Variants in SH3BP5 observed in about 807,000 individuals in gnomAD.
SH3BP5 encodes SH3 domain binding protein 5.
SH3BP5 carries 22 observed loss-of-function variants against 43.3 expected under a neutral mutation model. That is an observed-to-expected ratio of 0.51 (90% CI 0.36 to 0.73). SH3BP5 has a LOEUF of 0.73. SH3BP5 is among the 30% of genes least tolerant of loss of function. The pLI, the probability that SH3BP5 is intolerant of heterozygous loss-of-function variation, is 0.00. For missense variants in SH3BP5, 529 were observed against 586.9 expected (o/e 0.90, Z 1.02); for synonymous variants, 255 against 225.8 (o/e 1.13, Z -1.16).
chr3:15,340,526 G>A (rs1698753082), intron 1 of SH3BP5, among the ~76,000 whole-genome samples: 1 of 152,048 alleles, frequency 6.6e-6, no homozygotes, highest in South Asian at 2.1e-4. Context: ...CAACACTTTG[G>A]GATCACCTGA....
intron 3 of SH3BP5, among the ~76,000 whole-genome samples, chr3:15,289,277 C>G (rs1253693894): frequency 6.6e-6 from 1 of 152,212 alleles, no homozygotes; most frequent in Non-Finnish European, 1.5e-5. Context: ...CCTGTGACTA[C>G]CTGACCAAGT....
intron 3 of SH3BP5, among the ~76,000 whole-genome samples, chr3:15,302,683 G>C (rs966095039): frequency 1.3e-5 from 2 of 152,120 alleles, no homozygotes; most frequent in African/African-American, 2.4e-5. Context: ...TATATTCCTA[G>C]ATTTCTGGGA....
In SH3BP5 at chr3:15,254,770, T is replaced by C. The variant is rs1002458374; in HGVS notation, c.*1316A>G. On this transcript the variant is annotated 3_prime_UTR_variant, in exon 9 of 9. Transcript: ENST00000383791. ...GATTACTGGTGACCACAGCACTCCA[T>C]GCTCTTCCTTATGGAAAAAGGGTTG... The C allele has an allele frequency of 2.6e-5, 4 of 152,236 alleles. No homozygotes were observed. The highest frequency in any genetic ancestry group is 5.9e-5 in the Non-Finnish European group (4 of 68,042). The allele number at this position is 152,236 out of a possible 1,614,324, so 9.4% of individuals were successfully genotyped here.
At chr3:15,284,604 A>G (rs1697215268) in intron 3 of SH3BP5, among the ~76,000 whole-genome samples, 1 of 152,242 alleles carries the variant, frequency 6.6e-6, no homozygotes, top group Admixed American at 6.5e-5. Flanking sequence ...AGCTGGGATC[A>G]ACAAAAGGAG....
intron 3 of SH3BP5, among the ~76,000 whole-genome samples, chr3:15,280,912 C>T (rs933026143): frequency 3.9e-5 from 6 of 152,342 alleles, no homozygotes; most frequent in South Asian, 2.1e-4. Context: ...CTGGGATGCA[C>T]GATGCAGACC....
At chr3:15,331,277 TC>T (rs1698601846) in intron 1 of SH3BP5, among the ~76,000 whole-genome samples, 1 of 152,244 alleles carries the variant, frequency 6.6e-6, no homozygotes, top group Non-Finnish European at 1.5e-5. Flanking sequence ...GGATTTTTTT[TC>T]CACCTGATCT....
intron 3 of SH3BP5, 51 bp downstream of exon 3, chr3:15,304,052 T>A (rs1215021264): frequency 6.7e-7 from 1 of 1,497,474 alleles, no homozygotes; most frequent in African/African-American, 1.4e-5. Flanking sequence ...CCCTTAAAAC[T>A]GAGGGGTAGT....
At chr3:15,264,935 C>T (rs145248150) in intron 4 of SH3BP5, among the ~76,000 whole-genome samples, 76 of 152,158 alleles carry the variant, frequency 5.0e-4, no homozygotes, top group African/African-American at 1.8e-3. Flanking sequence ...GCATTTTCAA[C>T]AGACTTGTAG....
At chr3:15,285,016 T>C (rs1320949928) in intron 3 of SH3BP5, among the ~76,000 whole-genome samples, 1 of 152,170 alleles carries the variant, frequency 6.6e-6, no homozygotes, top group Non-Finnish European at 1.5e-5. Flanking sequence ...ATTTCTAGGA[T>C]CTCGTCACAG....
At chr3:15,325,688 C>T (rs1698442055) in intron 2 of SH3BP5, among the ~76,000 whole-genome samples, 1 of 152,182 alleles carries the variant, frequency 6.6e-6, no homozygotes, top group Admixed American at 6.6e-5. Context: ...CCGAAAATTG[C>T]CCCCATCACG....
chr3:15,270,162 C>G lies in SH3BP5; in HGVS notation c.331-285G>C, dbSNP rs897686908. Reference sequence around the variant, plus strand: ...AACCTGACATGGCAAACCAGCCCATCGTGGGACAGGTACAGCCAACCCCAC... The same window carrying G: ...AACCTGACATGGCAAACCAGCCCATGGTGGGACAGGTACAGCCAACCCCAC... On this transcript the variant is annotated intron_variant, in intron 3 of 8. Transcript: ENST00000383791. Among the ~76,000 whole-genome samples, 8 of 152,326 alleles carry G rather than the reference C, an allele frequency of 5.3e-5. No homozygotes were observed. In the East Asian group the frequency reaches 1.5e-3, roughly 29 times the overall value.
At chr3:15,297,401 C>G (rs575338646) in intron 3 of SH3BP5, among the ~76,000 whole-genome samples, 38 of 152,126 alleles carry the variant, frequency 2.5e-4, no homozygotes, top group African/African-American at 8.9e-4. Context: ...TGGTGGTGAT[C>G]TTTTTTTTAT....
intron 3 of SH3BP5, among the ~76,000 whole-genome samples, chr3:15,292,043 C>T (rs556981815): frequency 1.1e-3 from 172 of 152,232 alleles, no homozygotes; most frequent in Non-Finnish European, 1.5e-3. Context: ...CCTGTGTCGA[C>T]AAAACTCGTA....
intron 1 of SH3BP5, among the ~76,000 whole-genome samples, chr3:15,339,004 C>A (rs1365747933): frequency 6.6e-6 from 1 of 152,088 alleles, no homozygotes; most frequent in African/African-American, 2.4e-5. Context: ...CTCTTCCCAG[C>A]GACCCCTAAG....
rs1345417356 is a variant in SH3BP5 at position 15,262,257 on chromosome 3, G to A, written c.528C>T (p.Ser176=). Reference sequence around the variant, plus strand: ...CTGCCGTCTCCTTATGCACCAGCTCGCTCCTGGTCTTGGTCTGCTCCGCCT... The same window carrying A: ...CTGCCGTCTCCTTATGCACCAGCTCACTCCTGGTCTTGGTCTGCTCCGCCT... ...VMEAEQTKTR[S]ELVHKETAAR... is the part of the protein sequence containing the mutation. The change falls in exon 5 of 9, where the codon AGC becomes AGT. Residue 176 remains serine (S), a synonymous_variant. Transcript: ENST00000383791. 4.3e-6 allele frequency: 7 copies of A among 1,614,096 alleles called. No homozygotes were observed. Among genetic ancestry groups the A allele is most frequent in the East Asian group, 2.2e-5 (1 of 44,876 alleles).
intron 2 of SH3BP5, among the ~76,000 whole-genome samples, chr3:15,327,163 C>T (rs1031915026): frequency 9.9e-5 from 15 of 151,852 alleles, no homozygotes; most frequent in South Asian, 2.1e-4. Context: ...GGGGTAGCGA[C>T]GACACGAGAT....
Position 15,256,926 on chromosome 3 carries a change from C to T in SH3BP5, c.1077G>A (p.Gly359=). 1 of 1,614,172 alleles carries T rather than the reference C, an allele frequency of 6.2e-7. No homozygotes were observed. The highest frequency in any genetic ancestry group is 8.5e-7 in the Non-Finnish European group (1 of 1,180,018). ...GAGGGCCCAACACTGGGAACATCATCCCAAACTCTGACAGGGACACAGGGC... is the reference window on the plus strand; with the variant it reads ...GAGGGCCCAACACTGGGAACATCATTCCAAACTCTGACAGGGACACAGGGC... The part of the protein sequence containing the change: ...LPSPVSLSEF[G]MMFPVLGPRS... The change falls in exon 8 of 9, where the codon GGG becomes GGA. Residue 359 remains glycine (G), a synonymous_variant. Coordinates refer to ENST00000383791, the MANE Select transcript of SH3BP5 (RefSeq NM_004844.5).
intron 3 of SH3BP5, among the ~76,000 whole-genome samples, chr3:15,296,369 C>A (rs925277801): frequency 1.7e-4 from 26 of 151,030 alleles, no homozygotes; most frequent in Admixed American, 7.2e-4. Context: ...CACACACACA[C>A]CCCTATCCAG....
In SH3BP5 at chr3:15,304,450, AC is replaced by A. The variant is rs555586264; in HGVS notation, c.202-220del. ...CTCTGCACAGTGCAGTGTGGCGGCCACCAGCCACGTGTGGCTACTGAGCACT... is the reference window on the plus strand; with the variant it reads ...CTCTGCACAGTGCAGTGTGGCGGCCACAGCCACGTGTGGCTACTGAGCACT... On this transcript the variant is annotated intron_variant, in intron 2 of 8. Coordinates refer to ENST00000383791, the MANE Select transcript of SH3BP5 (RefSeq NM_004844.5). 1.2e-4 allele frequency among the ~76,000 whole-genome samples: 18 copies of A among 152,376 alleles called. No individual in the cohort carries two copies. In the East Asian group the frequency reaches 3.1e-3, roughly 26 times the overall value.
Sources: allele counts gnomAD v4.1 joint callset (sites outside exome capture counted in the v4.1 genomes callset), GRCh38; gene constraint gnomAD v4.1.1; transcripts MANE v1.5; gene names NCBI Gene and HGNC (gene_info 2026-07-23, HGNC 2026-07-21).